LVRN: variants seen among roughly 807,000 people sequenced by gnomAD.
LVRN encodes the protein laeverin.
Under a neutral mutation model 111.4 loss-of-function variants are expected in LVRN, and 99 were observed. The ratio of observed to expected loss-of-function variants is 0.89; its 90% CI spans 0.76 to 1.05. The LOEUF is 1.05. LVRN is among the 50% of genes least tolerant of loss of function. The pLI is 0.00. For synonymous variants in LVRN, 488 were observed against 449.5 expected (o/e 1.09, Z -1.08); for missense variants, 1,414 against 1,206.8 (o/e 1.17, Z -2.54).
intron 18 of LVRN, chr5:116,019,835 T>C (rs1421835177): frequency 6.6e-6 from 1 of 152,182 alleles, no homozygotes; most frequent in African/African-American, 2.4e-5. Flanking sequence ...AAATACCATC[T>C]CAGGTCCAGC....
In LVRN at chr5:116,005,894, T is replaced by A. The variant is rs181800866; in HGVS notation, c.2038-18T>A. On this transcript the variant is annotated intron_variant, in intron 12 of 19. Transcript: ENST00000357872. ...TGTTCTCATCTTCTTCTGGGCATAT[T>A]TGGGTCTAATTCTGCAGGCGATTCC... 5 of 1,583,692 alleles carry A rather than the reference T, an allele frequency of 3.2e-6. No individual in the cohort carries two copies. The African/African-American group carries it at 6.7e-5, about 21-fold the overall frequency.
chr5:115,963,292 C>T lies in LVRN; in HGVS notation c.675C>T (p.Tyr225=), dbSNP rs1753131018. The change falls in exon 1 of 20, where the codon TAC becomes TAT. Residue 225 remains tyrosine (Y), a synonymous_variant. Transcript: ENST00000357872. Reference sequence around the variant, plus strand: ...GGGAGGGACTCTTCCTCAACGTCTACACCGACCAGGGCGAGCGCAGGTAAG... The same window carrying T: ...GGGAGGGACTCTTCCTCAACGTCTATACCGACCAGGGCGAGCGCAGGTAAG... ...DLREGLFLNV[Y]TDQGERRALL... 1 of 1,610,454 alleles carries T rather than the reference C, an allele frequency of 6.2e-7. No individual in the cohort carries two copies. The highest frequency in any genetic ancestry group is 8.5e-7 in the Non-Finnish European group (1 of 1,178,806).
chr5:115,994,771 G>A (rs907566795), intron 6 of LVRN, among the ~76,000 whole-genome samples: 6 of 152,130 alleles, frequency 3.9e-5, no homozygotes, highest in Non-Finnish European at 8.8e-5. Flanking sequence ...AATTTATTTA[G>A]AGTAATTATG....
At chr5:115,995,624 A>T (rs1274276140) in intron 6 of LVRN, 1 of 152,246 alleles carries the variant, frequency 6.6e-6, no homozygotes, top group Admixed American at 6.5e-5. Flanking sequence ...TAGTCTGATG[A>T]CAAGGATGAC....
At chr5:115,987,035 T>C (rs572938296) in intron 3 of LVRN, among the ~76,000 whole-genome samples, 3 of 124,234 alleles carry the variant, frequency 2.4e-5, no homozygotes, top group Admixed American at 7.7e-5. Flanking sequence ...AATTACTTAC[T>C]TTTTTTTTTT....
intron 19 of LVRN, among the ~76,000 whole-genome samples, chr5:116,025,697 A>G (rs1379225825): frequency 6.6e-6 from 1 of 152,192 alleles, no homozygotes; most frequent in Non-Finnish European, 1.5e-5. Context: ...TGCGTTCAGT[A>G]AATATTCATT....
intron 12 of LVRN, among the ~76,000 whole-genome samples, chr5:116,004,005 G>T (rs938022371): frequency 6.6e-6 from 1 of 152,030 alleles, no homozygotes; most frequent in African/African-American, 2.4e-5. Flanking sequence ...AAATGTCCTG[G>T]TTCCATTTCT....
intron 6 of LVRN, among the ~76,000 whole-genome samples, chr5:115,994,955 C>T (rs1327940745): frequency 2.6e-5 from 4 of 152,116 alleles, no homozygotes; most frequent in Non-Finnish European, 5.9e-5. Flanking sequence ...CTCTCTGGTC[C>T]TCAGGATTGC....
At position 116,005,947 on chromosome 5, in the gene LVRN, TG is replaced by T; in HGVS notation, c.2074del (p.Asp692MetfsTer19). Reference sequence around the variant, plus strand: ...TTATTCACAGACTGCAGTTGATTGATGATGCCTTTTCCTTGTCTAAGTGAGT... The same window carrying T: ...TTATTCACAGACTGCAGTTGATTGATATGCCTTTTCCTTGTCTAAGTGAGT... ...PVIHRLQLID[D>X]AFSLSKNNYI... On this transcript the variant is annotated frameshift_variant, in exon 13 of 20. Transcript: ENST00000357872. LOFTEE classifies it high-confidence loss of function. 6.3e-7 allele frequency: 1 copy of T among 1,593,516 alleles called. No individual in the cohort carries two copies. The highest frequency in any genetic ancestry group is 2.2e-5 in the East Asian group (1 of 44,694).
chr5:115,977,853 A>C (rs1367242450), intron 1 of LVRN, among the ~76,000 whole-genome samples: 1 of 152,228 alleles, frequency 6.6e-6, no homozygotes, highest in Non-Finnish European at 1.5e-5. Flanking sequence ...TTTTGTTCAA[A>C]GATTCCCAGA....
At chr5:115,971,145 A>G (rs905709021) in intron 1 of LVRN, among the ~76,000 whole-genome samples, 2 of 152,214 alleles carry the variant, frequency 1.3e-5, no homozygotes, top group African/African-American at 4.8e-5. Context: ...ACTATTTGTC[A>G]TCCATCTATT....
chr5:116,017,578 T>C (rs1485039120), intron 18 of LVRN, among the ~76,000 whole-genome samples: 1 of 152,230 alleles, frequency 6.6e-6, no homozygotes, highest in East Asian at 1.9e-4. Flanking sequence ...CCACTAGATA[T>C]ATGGTATGTC....
rs1465707201 is a variant in LVRN, at chr5:116,026,043, G to A, written c.2898G>A (p.Gln966=). The A allele has an allele frequency of 1.2e-6, 2 of 1,613,900 alleles. No homozygotes were observed. Among genetic ancestry groups the A allele is most frequent in the South Asian group, 1.1e-5 (1 of 91,050 alleles). Reference sequence around the variant, plus strand: ...GGATCAGAGTTCATGCCAACTTACAGACAATAAAGAATGAAAATCTGAAAA... The same window carrying A: ...GGATCAGAGTTCATGCCAACTTACAAACAATAAAGAATGAAAATCTGAAAA... ...HQRIRVHANL[Q]TIKNENLKNK... is the part of the protein sequence containing the mutation. The change falls in exon 20 of 20, where the codon CAG becomes CAA. Residue 966 remains glutamine, a synonymous_variant. Coordinates refer to ENST00000357872, the MANE Select transcript of LVRN (RefSeq NM_173800.5).
chr5:116,026,402 C>A lies in LVRN; in HGVS notation c.*284C>A. ...TAAATGTCACGTAAAAACAAATTCA[C>A]CTAAGATAGTCTTGCTTATTTTGTT... On this transcript the variant is annotated 3_prime_UTR_variant, in exon 20 of 20. Coordinates refer to ENST00000357872, the MANE Select transcript of LVRN (RefSeq NM_173800.5). The A allele has an allele frequency of 2.5e-6, 1 of 402,960 alleles. No individual in the cohort carries two copies. The allele number at this position is 402,960 out of a possible 1,614,324, so 25.0% of individuals were successfully genotyped here. A position where few individuals can be genotyped will look rare whatever the true frequency, so the allele number is the denominator to read the frequency against.
intron 1 of LVRN, among the ~76,000 whole-genome samples, chr5:115,982,340 T>C (rs1348857563): frequency 1.3e-5 from 2 of 152,198 alleles, no homozygotes; most frequent in Admixed American, 6.5e-5. Context: ...GATATCTTTG[T>C]TGAATTCACC....
At chr5:116,009,272 A>AG (rs1412228263) in intron 13 of LVRN, among the ~76,000 whole-genome samples, 11 of 152,318 alleles carry the variant, frequency 7.2e-5, no homozygotes, top group African/African-American at 2.6e-4. Flanking sequence ...GGAAAAAAAA[A>AG]GATTCCTTCC....
In LVRN at chr5:115,969,116, T is replaced by C. The variant is rs542922211; in HGVS notation, c.695+5804T>C. Among the ~76,000 whole-genome samples, 7 of 152,330 alleles carry C rather than the reference T, an allele frequency of 4.6e-5. No individual in the cohort carries two copies. In the East Asian group the frequency reaches 9.6e-4, roughly 21 times the overall value. ...CCTCTTTCTCTCCTCTTTCTCAATA[T>C]AGCCTTTGTGTACAGGAGGAAGCGT... On this transcript the variant is annotated intron_variant, in intron 1 of 19. Transcript: ENST00000357872.
At chr5:116,024,932 C>G (rs1361114309) in intron 19 of LVRN, among the ~76,000 whole-genome samples, 1 of 152,154 alleles carries the variant, frequency 6.6e-6, no homozygotes, top group Non-Finnish European at 1.5e-5. Context: ...ATTTGTCTCC[C>G]TCGTCCCTCT....
In LVRN at chr5:115,983,366, AC is replaced by A; in HGVS notation, c.776del (p.Thr259IlefsTer6). The A allele has an allele frequency of 6.2e-7, 1 of 1,611,640 alleles. No individual in the cohort carries two copies. Among genetic ancestry groups the A allele is most frequent in the Non-Finnish European group, 8.5e-7 (1 of 1,179,248 alleles). On this transcript the variant is annotated frameshift_variant, in exon 2 of 20. Coordinates refer to ENST00000357872, the MANE Select transcript of LVRN (RefSeq NM_173800.5). LOFTEE classifies it high-confidence loss of function. ...TTTTGATGAGCCAGCTCTGAAGGCA[AC>A]TTTTAATATTACAATGATTCATCAT... The part of the protein sequence containing the change: ...PCFDEPALKA[T>X]FNITMIHHPS...
Sources: allele counts gnomAD v4.1 joint callset (sites outside exome capture counted in the v4.1 genomes callset), GRCh38; gene constraint gnomAD v4.1.1; transcripts MANE v1.5; gene names NCBI Gene and HGNC (gene_info 2026-07-23, HGNC 2026-07-21).